Variants in RALYL observed in about 807,000 individuals in gnomAD.
The protein encoded by RALYL is RALY RNA binding protein like.
A neutral mutation model predicts 35.1 loss-of-function variants in RALYL; 29 were observed. The observed-to-expected ratio is 0.83, with a 90% CI of 0.61 to 1.13. The LOEUF is 1.13. RALYL is among the 50% of genes most tolerant of loss of function. RALYL has a pLI of 0.00. For synonymous variants in RALYL, 120 were observed against 127.6 expected, an observed-to-expected ratio of 0.94 and a Z score of 0.40; for missense variants, 359 against 360.4, an observed-to-expected ratio of 1.00 and a Z score of 0.03.
In RALYL at chr8:84,854,366, AAGAAAAAG is replaced by A. The variant is rs1282419031; in HGVS notation, c.413+4341_413+4348del. Reference sequence around the variant, plus strand: ...TCTAAAAAAAAGAAAAAGAAAAAGGAAGAAAAAGAAAAAAAAATAATGGTAGATGTATT... The same window carrying A: ...TCTAAAAAAAAGAAAAAGAAAAAGGAAAAAAAAAATAATGGTAGATGTATT... On this transcript the variant is annotated intron_variant, in intron 5 of 8. Coordinates refer to ENST00000521268, the MANE Select transcript of RALYL (RefSeq NM_173848.7). Among the ~76,000 whole-genome samples, 13 of 80,026 alleles carry A rather than the reference AAGAAAAAG, an allele frequency of 1.6e-4. No individual in the cohort carries two copies. In the East Asian group the frequency reaches 0.013, roughly 80 times the overall value. 52.5% of individuals were successfully genotyped at this position (80,026 alleles called of 152,430 possible).
At chr8:84,457,022 T>C (rs1164747342) in intron 1 of RALYL, among the ~76,000 whole-genome samples, 1 of 151,982 alleles carries the variant, frequency 6.6e-6, no homozygotes, top group Non-Finnish European at 1.5e-5. Context: ...AGAATCTCTA[T>C]TGTATTTTTC....
intron 1 of RALYL, among the ~76,000 whole-genome samples, chr8:84,329,366 A>C (rs372248863): frequency 4.1e-4 from 62 of 152,166 alleles, no homozygotes; most frequent in African/African-American, 1.4e-3. Flanking sequence ...GTGATGTAGA[A>C]TATTTTGTCA....
At chr8:84,456,275 C>A (rs1441875042) in intron 1 of RALYL, among the ~76,000 whole-genome samples, 1 of 151,954 alleles carries the variant, frequency 6.6e-6, no homozygotes, top group Admixed American at 6.6e-5. Context: ...CAATCATATG[C>A]CTTTTCTAAG....
chr8:84,260,831 G>A (rs1022363601), intron 1 of RALYL, among the ~76,000 whole-genome samples: 4 of 152,092 alleles, frequency 2.6e-5, no homozygotes, highest in Admixed American at 1.3e-4. Context: ...TCCTCTATAT[G>A]TTGATTAAAA....
chr8:84,920,558 C>T (rs944257259), intron 8 of RALYL, among the ~76,000 whole-genome samples: 1 of 151,978 alleles, frequency 6.6e-6, no homozygotes, highest in Non-Finnish European at 1.5e-5. Context: ...CAAAGATTCA[C>T]GAGTAATTGA....
At chr8:84,681,089 AC>A (rs1564362924) in intron 2 of RALYL, among the ~76,000 whole-genome samples, 4 of 150,894 alleles carry the variant, frequency 2.7e-5, no homozygotes, top group Non-Finnish European at 5.9e-5. Flanking sequence ...TTTTCCCAGG[AC>A]CATTTATTAA....
intron 2 of RALYL, among the ~76,000 whole-genome samples, chr8:84,617,809 T>C (rs1257085664): frequency 6.6e-6 from 1 of 151,604 alleles, no homozygotes; most frequent in African/African-American, 2.4e-5. Flanking sequence ...TGAAGCGTTG[T>C]TGAATTTTGT....
chr8:84,513,737 T>C lies in RALYL; in HGVS notation c.-23-15562T>C, dbSNP rs558470364. On this transcript the variant is annotated intron_variant, in intron 1 of 8. Coordinates refer to ENST00000521268, the MANE Select transcript of RALYL (RefSeq NM_173848.7). ...AGGTAGGTAACATTGACTCTTAAGA[T>C]ACAAAATATAGAAGAAACAACATGA... 1.4e-4 allele frequency among the ~76,000 whole-genome samples: 21 copies of C among 152,158 alleles called. No individual in the cohort carries two copies. In the South Asian group the frequency reaches 3.3e-3, roughly 24 times the overall value.
chr8:84,869,688 C>G (rs982221902), intron 6 of RALYL, among the ~76,000 whole-genome samples: 1 of 152,166 alleles, frequency 6.6e-6, no homozygotes, highest in Non-Finnish European at 1.5e-5. Flanking sequence ...ACAGCAGAAT[C>G]TCTCCTGCAG....
intron 7 of RALYL, among the ~76,000 whole-genome samples, chr8:84,886,905 A>C (rs1842987850): frequency 6.6e-6 from 1 of 152,164 alleles, no homozygotes; most frequent in Non-Finnish European, 1.5e-5. Flanking sequence ...GGATGAGAAA[A>C]CTGAGACACA....
chr8:84,612,275 A>T (rs751204610), intron 2 of RALYL, among the ~76,000 whole-genome samples: 3 of 152,018 alleles, frequency 2.0e-5, no homozygotes, highest in Non-Finnish European at 2.9e-5. Flanking sequence ...AAAGTGGTCC[A>T]TGTGGTTGTC....
intron 1 of RALYL, among the ~76,000 whole-genome samples, chr8:84,287,335 TTGAAA>T (rs1837828332): frequency 6.5e-5 from 2 of 30,890 alleles, no homozygotes; most frequent in Non-Finnish European, 1.3e-4. Flanking sequence ...AGGAAGATCA[TTGAAA>T]TCGTCAAAAT....
intron 1 of RALYL, among the ~76,000 whole-genome samples, chr8:84,363,527 G>A (rs1362381464): frequency 6.6e-6 from 1 of 152,174 alleles, no homozygotes. Context: ...GGGAGTTCTG[G>A]AGAATTTGCC....
chr8:84,854,374 GAA>G (rs891180919), intron 5 of RALYL, among the ~76,000 whole-genome samples: 3 of 145,432 alleles, frequency 2.1e-5, no homozygotes, highest in African/African-American at 7.5e-5. Flanking sequence ...GGAAGAAAAA[GAA>G]AAAAAAATAA....
At chr8:84,387,400 AAC>A (rs1215887089) in intron 1 of RALYL, among the ~76,000 whole-genome samples, 1 of 151,866 alleles carries the variant, frequency 6.6e-6, no homozygotes, top group East Asian at 1.9e-4. Context: ...TTTTGTCATA[AAC>A]ACAATGTAAT....
chr8:84,340,460 G>A (rs1848602550), intron 1 of RALYL, among the ~76,000 whole-genome samples: 1 of 151,902 alleles, frequency 6.6e-6, no homozygotes. Context: ...CTAACCCTTG[G>A]TAACCACTAT....
chr8:84,682,349 C>T (rs1237086067), intron 2 of RALYL, among the ~76,000 whole-genome samples: 2 of 152,070 alleles, frequency 1.3e-5, no homozygotes, highest in African/African-American at 2.4e-5. Context: ...ATGATGCTGG[C>T]CTCATAAAAT....
At chr8:84,461,913 C>T (rs1425305706) in intron 1 of RALYL, among the ~76,000 whole-genome samples, 3 of 151,452 alleles carry the variant, frequency 2.0e-5, no homozygotes, top group Middle Eastern at 3.4e-3. Flanking sequence ...CTATTATTAC[C>T]AAAAGTCCAT....
intron 2 of RALYL, among the ~76,000 whole-genome samples, chr8:84,557,359 C>T (rs775007658): frequency 1.3e-5 from 2 of 152,116 alleles, no homozygotes; most frequent in African/African-American, 2.4e-5. Flanking sequence ...CGTGACTGGA[C>T]AGGCCTGGGA....
Sources: allele counts gnomAD v4.1 joint callset (sites outside exome capture counted in the v4.1 genomes callset), GRCh38; gene constraint gnomAD v4.1.1; transcripts MANE v1.5; gene names NCBI Gene and HGNC (gene_info 2026-07-23, HGNC 2026-07-21).